The following IDO2 variants were observed in gnomAD, a reference collection of about 807,000 sequenced individuals.
The protein encoded by IDO2 is indoleamine 2,3-dioxygenase-like 1 protein.
In IDO2, 46 loss-of-function variants were observed where a neutral mutation model predicts 45.1. The observed-to-expected ratio is 1.02, with a 90% confidence interval of 0.80 to 1.30. The LOEUF (loss-of-function observed/expected upper bound fraction) is 1.30. Among genes scored for constraint, IDO2 ranks in the 50% most tolerant of loss-of-function variants. The pLI is 0.00. For missense variants in IDO2, 544 were observed against 491.8 expected, an observed-to-expected ratio of 1.11 and a Z score of -1.00; for synonymous variants, 218 against 184.9, an observed-to-expected ratio of 1.18 and a Z score of -1.45.
chr8:39,959,377 G>T lies in IDO2; in HGVS notation c.100-4231G>T, dbSNP rs1438979390. Among the ~76,000 whole-genome samples, 3 of 88,870 alleles carry T rather than the reference G, an allele frequency of 3.4e-5. No homozygotes were observed. The Admixed American group carries it at 3.7e-4, about 11-fold the overall frequency. 58.3% of individuals were successfully genotyped at this position (88,870 alleles called of 152,430 possible). A position where few individuals can be genotyped will look rare whatever the true frequency, so the allele number is the denominator to read the frequency against. ...GATCTGCCTACCTTGGCCTCCCAAAGTGCTGGGATTACAGGCGTGAGCCAC... is the reference window on the plus strand; with the variant it reads ...GATCTGCCTACCTTGGCCTCCCAAATTGCTGGGATTACAGGCGTGAGCCAC... On this transcript the variant is annotated intron_variant, in intron 2 of 10. Transcript: ENST00000502986.
chr8:39,960,474 C>T (rs1296320526), intron 2 of IDO2, among the ~76,000 whole-genome samples: 1 of 152,168 alleles, frequency 6.6e-6, no homozygotes, highest in Non-Finnish European at 1.5e-5. Flanking sequence ...CTATAAACTG[C>T]TCAAGCTTCT....
intron 1 of IDO2, among the ~76,000 whole-genome samples, chr8:39,938,853 T>C (rs2129592869): frequency 6.6e-6 from 1 of 152,304 alleles, no homozygotes; most frequent in African/African-American, 2.4e-5. Context: ...CATATGCCAT[T>C]AGGAAATTGC....
intron 4 of IDO2, among the ~76,000 whole-genome samples, chr8:39,980,699 A>G (rs908165390): frequency 3.3e-5 from 5 of 152,120 alleles, no homozygotes; most frequent in African/African-American, 7.2e-5. Flanking sequence ...GGGAAGAGGA[A>G]AAGTGTAGAG....
At chr8:39,963,477 G>C (rs1255718187) in intron 2 of IDO2, 131 bp from the exon 3 acceptor site, 11 of 615,664 alleles carry the variant, frequency 1.8e-5, no homozygotes, top group Non-Finnish European at 2.9e-5. Context: ...CTAGCATATG[G>C]TGCATTCTCA....
intron 2 of IDO2, 89 bp from the exon 3 acceptor site, chr8:39,963,519 C>A: frequency 1.4e-6 from 1 of 731,628 alleles, no homozygotes; most frequent in South Asian, 1.8e-5. Flanking sequence ...CTTGAATTCC[C>A]CTGAAGACTG....
At chr8:39,975,894 G>C (rs1170295886) in intron 3 of IDO2, among the ~76,000 whole-genome samples, 1 of 152,026 alleles carries the variant, frequency 6.6e-6, no homozygotes, top group Non-Finnish European at 1.5e-5. Flanking sequence ...GAATGTCAAA[G>C]CCATAATGGT....
Position 40,005,308 on chromosome 8 carries a change from AT to A in IDO2, c.668-15del. 6.4e-7 allele frequency: 1 copy of A among 1,559,118 alleles called. No individual in the cohort carries two copies. On this transcript the variant is annotated intron_variant, in intron 8 of 10. Transcript: ENST00000502986. Reference sequence around the variant, plus strand: ...TTTCTTTGCCTGTAGTAAAGTTCACATTTTGATTGCTTCTCCAGATTATGTA... The same window carrying A: ...TTTCTTTGCCTGTAGTAAAGTTCACATTTGATTGCTTCTCCAGATTATGTA...
chr8:39,999,607 G>A (rs144272421), intron 8 of IDO2, among the ~76,000 whole-genome samples: 2 of 150,594 alleles, frequency 1.3e-5, no homozygotes, highest in East Asian at 1.9e-4. Flanking sequence ...ATTTTTACAG[G>A]CACCTGCCAA....
At chr8:40,014,087 C>T (rs575099055) in intron 10 of IDO2, among the ~76,000 whole-genome samples, 1 of 152,242 alleles carries the variant, frequency 6.6e-6, no homozygotes, top group East Asian at 1.9e-4. Context: ...CCAAGAAAGT[C>T]CTTCCCCACA....
At chr8:39,964,201 G>A (rs758877893) in intron 3 of IDO2, among the ~76,000 whole-genome samples, 11 of 152,182 alleles carry the variant, frequency 7.2e-5, no homozygotes, top group Non-Finnish European at 1.2e-4. Flanking sequence ...CCACACAAGT[G>A]TTGATTAGGC....
intron 3 of IDO2, among the ~76,000 whole-genome samples, chr8:39,968,769 T>C (rs944359055): frequency 8.6e-5 from 13 of 151,748 alleles, no homozygotes; most frequent in African/African-American, 2.9e-4. Flanking sequence ...ATGAGGGGCT[T>C]AAAACCTAGA....
intron 3 of IDO2, among the ~76,000 whole-genome samples, chr8:39,965,826 A>G (rs945396413): frequency 2.6e-5 from 4 of 152,112 alleles, no homozygotes; most frequent in Non-Finnish European, 4.4e-5. Context: ...GGAGACAGGC[A>G]TGGAACAGAA....
intron 5 of IDO2, chr8:39,984,922 A>AATTT (rs1808401587): frequency 2.5e-6 from 1 of 396,702 alleles, no homozygotes; most frequent in Non-Finnish European, 4.9e-6. Flanking sequence ...TGAGTGAAAT[A>AATTT]ACTTATTTAT....
At chr8:39,973,542 T>G (rs967831903) in intron 3 of IDO2, among the ~76,000 whole-genome samples, 1 of 151,996 alleles carries the variant, frequency 6.6e-6, no homozygotes, top group Non-Finnish European at 1.5e-5. Context: ...TCATTGACAA[T>G]GTGACTGTGA....
intron 3 of IDO2, among the ~76,000 whole-genome samples, chr8:39,976,789 G>A (rs1808265842): frequency 6.6e-6 from 1 of 152,136 alleles, no homozygotes; most frequent in Non-Finnish European, 1.5e-5. Context: ...GCTGAAGGTA[G>A]AGTACCTTTC....
intron 3 of IDO2, 68 bp downstream of exon 3, chr8:39,963,771 T>C: frequency 1.1e-6 from 1 of 872,172 alleles, no homozygotes; most frequent in East Asian, 2.6e-5. Flanking sequence ...TTCTTAGCCT[T>C]GTGGAAGTGT....
chr8:39,979,932 C>T (rs1458938901), intron 4 of IDO2, among the ~76,000 whole-genome samples: 1 of 152,178 alleles, frequency 6.6e-6, no homozygotes, highest in Non-Finnish European at 1.5e-5. Flanking sequence ...AGCAACCCTC[C>T]CACCTCAGCC....
At chr8:39,947,561 A>T (rs1045488303) in intron 1 of IDO2, among the ~76,000 whole-genome samples, 1 of 152,138 alleles carries the variant, frequency 6.6e-6, no homozygotes, top group Non-Finnish European at 1.5e-5. Context: ...TGCCTCTTTT[A>T]AAAAGTTCTA....
At chr8:39,977,537 C>T (rs1452615040) in intron 3 of IDO2, among the ~76,000 whole-genome samples, 1 of 152,162 alleles carries the variant, frequency 6.6e-6, no homozygotes, top group African/African-American at 2.4e-5. Context: ...TAAAATTAGC[C>T]AGATGCAGTG....
Sources: gnomAD v4.1 joint callset for allele counts (sites outside exome capture counted in the v4.1 genomes callset) on GRCh38, gnomAD v4.1.1 for gene constraint, MANE v1.5 for transcripts, NCBI Gene and HGNC (gene_info 2026-07-23, HGNC 2026-07-21) for gene names.